KLRC2: variants seen among roughly 807,000 people sequenced by gnomAD.
The protein encoded by KLRC2 is killer cell lectin like receptor C2.
A neutral mutation model predicts 25.5 loss-of-function variants in KLRC2; 10 were observed. The ratio of observed to expected loss-of-function variants is 0.39; its 90% CI spans 0.24 to 0.67. KLRC2 has a LOEUF of 0.67. Among genes scored for constraint, KLRC2 ranks in the 30% least tolerant of loss-of-function variants. The pLI, the probability that KLRC2 is intolerant of heterozygous loss-of-function variation, is 0.45. For synonymous variants in KLRC2, 48 were observed against 93.3 expected (o/e 0.51, Z 2.80); for missense variants, 170 against 272.8 (o/e 0.62, Z 2.65).
Position 10,431,062 on chromosome 12 carries a change from T to C in KLRC2, c.*55A>G. 1 of 1,265,000 alleles carries C rather than the reference T, an allele frequency of 7.9e-7. No individual in the cohort carries two copies. Among genetic ancestry groups the C allele is most frequent in the Middle Eastern group, 2.3e-4 (1 of 4,430 alleles). 78.4% of individuals were successfully genotyped at this position (1,265,000 alleles called of 1,614,324 possible). On this transcript the variant is annotated 3_prime_UTR_variant, in exon 6 of 6. Transcript: ENST00000381902. ...CAGATTTATGCAATCATAATATTTCTATTTTAAGAAATATAAAATGTATCT... is the reference window on the plus strand; with the variant it reads ...CAGATTTATGCAATCATAATATTTCCATTTTAAGAAATATAAAATGTATCT...
At position 10,435,876 on chromosome 12, in the gene KLRC2, T is replaced by C; in HGVS notation, c.111A>G (p.Glu37=). 6.3e-7 allele frequency: 1 copy of C among 1,594,858 alleles called. No homozygotes were observed. The highest frequency in any genetic ancestry group is 2.3e-5 in the East Asian group (1 of 43,284). The change falls in exon 1 of 6, where the codon GAA becomes GAG. Residue 37 remains glutamate, a synonymous_variant. Coordinates refer to ENST00000381902, the MANE Select transcript of KLRC2 (RefSeq NM_002260.4). ...GAAGATTTAATTCTACTTGGAATAT[T>C]TCCTGTTCGGTTCCTGAAATGGAGC... The part of the protein sequence containing the change: ...NKSSISGTEQ[E]IFQVELNLQN...
intron 5 of KLRC2, among the ~76,000 whole-genome samples, chr12:10,431,558 A>T (rs1863815745): frequency 7.1e-6 from 1 of 141,652 alleles, no homozygotes; most frequent in Non-Finnish European, 1.5e-5. Flanking sequence ...AACTAATAAT[A>T]AAAAAATTAT....
In KLRC2 at chr12:10,433,363, T is replaced by C. The variant is rs1863835134; in HGVS notation, c.483+428A>G. On this transcript the variant is annotated intron_variant, in intron 4 of 5. Coordinates refer to ENST00000381902, the MANE Select transcript of KLRC2 (RefSeq NM_002260.4). ...TTCAAGAACAGGCAATCATTATTTA[T>C]AATATTAAAAGTCAAGACTGCGTTT... 1.4e-5 allele frequency among the ~76,000 whole-genome samples: 2 copies of C among 142,354 alleles called. 1 individual carries two copies. The highest frequency in any genetic ancestry group is 3.1e-5 in the Non-Finnish European group (2 of 64,900). 93.4% of individuals were successfully genotyped at this position (142,354 alleles called of 152,430 possible). A position where few individuals can be genotyped will look rare whatever the true frequency, so the allele number is the denominator to read the frequency against.
intron 4 of KLRC2, among the ~76,000 whole-genome samples, chr12:10,432,903 T>A (rs1863830331): frequency 7.3e-6 from 1 of 137,778 alleles, no homozygotes. Flanking sequence ...GCCTGCTGTT[T>A]CCCTACACCC....
rs1223699671 is a variant in KLRC2, at chr12:10,435,963, G to A, written c.24C>T (p.Phe8=). 1 of 1,606,986 alleles carries A rather than the reference G, an allele frequency of 6.2e-7. No homozygotes were observed. The highest frequency in any genetic ancestry group is 8.5e-7 in the Non-Finnish European group (1 of 1,176,938). Residue 8 remains phenylalanine (F), a synonymous_variant, in exon 1 of 6, where the codon TTC becomes TTT. Coordinates refer to ENST00000381902, the MANE Select transcript of KLRC2 (RefSeq NM_002260.4). MNKQRGT[F]SEVSLAQDPK... is the part of the protein sequence containing the mutation. ...GGTCCTGGGCCAGACTCACTTCTGA[G>A]AAGGTTCCTCTTTGTTTATTCATCT... is the stretch of plus-strand genomic sequence containing the variant.
At chr12:10,435,629 T>G (rs1863861796) in intron 1 of KLRC2, among the ~76,000 whole-genome samples, 171 bp downstream of exon 1, 1 of 142,028 alleles carries the variant, frequency 7.0e-6, no homozygotes, top group South Asian at 2.2e-4. Flanking sequence ...CAGATTACAG[T>G]TGAACAATGC....
chr12:10,431,707 C>T lies in KLRC2; in HGVS notation c.584+399G>A, dbSNP rs374664245. Among the ~76,000 whole-genome samples the T allele has an allele frequency of 2.1e-5, 3 of 141,740 alleles. 1 individual carries two copies. The highest frequency in any genetic ancestry group is 4.2e-4 in the East Asian group (2 of 4,752). 93.0% of individuals were successfully genotyped at this position (141,740 alleles called of 152,430 possible). On this transcript the variant is annotated intron_variant, in intron 5 of 5. Transcript: ENST00000381902. ...GTTGTCCAACTCGCTGCCCATGGGCCGCACGTGACCCAGGACAGCTTTGAA... is the reference window on the plus strand; with the variant it reads ...GTTGTCCAACTCGCTGCCCATGGGCTGCACGTGACCCAGGACAGCTTTGAA...
rs1324962223 is a variant in KLRC2 at position 10,431,966 on chromosome 12, G to A, written c.584+140C>T. On this transcript the variant is annotated intron_variant, in intron 5 of 5. Coordinates refer to ENST00000381902, the MANE Select transcript of KLRC2 (RefSeq NM_002260.4). ...AATATATGGACTACTATGGTCTATTGTAAAATATTTATATCAACATTTCAC... is the reference window on the plus strand; with the variant it reads ...AATATATGGACTACTATGGTCTATTATAAAATATTTATATCAACATTTCAC... The A allele has an allele frequency of 5.6e-5, 45 of 808,796 alleles. 6 individuals are homozygous for A. The highest frequency in any genetic ancestry group is 7.6e-5 in the Non-Finnish European group (42 of 550,406). The allele number at this position is 808,796 out of a possible 1,614,324, so 50.1% of individuals were successfully genotyped here. A position where few individuals can be genotyped will look rare whatever the true frequency, so the allele number is the denominator to read the frequency against.
intron 4 of KLRC2, among the ~76,000 whole-genome samples, chr12:10,433,369 T>C (rs1412571468): frequency 1.4e-5 from 2 of 142,316 alleles, no homozygotes; most frequent in Admixed American, 6.9e-5. Flanking sequence ...TTTATAATAT[T>C]AAAAGTCAAG....
In KLRC2 at chr12:10,435,294, T is replaced by C. The variant is rs1863857614; in HGVS notation, c.286+18A>G. 6.2e-7 allele frequency: 1 copy of C among 1,611,596 alleles called. No individual in the cohort carries two copies. The highest frequency in any genetic ancestry group is 8.5e-7 in the Non-Finnish European group (1 of 1,179,004). ...TAAAGTAAAACGTTCCCTTCTAATC[T>C]TTCAAGAATATGCTTACAAGGAATA... On this transcript the variant is annotated intron_variant, in intron 2 of 5. Coordinates refer to ENST00000381902, the MANE Select transcript of KLRC2 (RefSeq NM_002260.4).
At chr12:10,433,561 G>C (rs1290268056) in intron 4 of KLRC2, among the ~76,000 whole-genome samples, 1 of 141,762 alleles carries the variant, frequency 7.1e-6, no homozygotes. Flanking sequence ...ATTTATTGTG[G>C]ATTCAAAGCA....
chr12:10,433,470 C>T (rs1863836354), intron 4 of KLRC2, among the ~76,000 whole-genome samples: 1 of 141,950 alleles, frequency 7.0e-6, no homozygotes. Context: ...CATGATCTGA[C>T]TTGTATCACA....
At chr12:10,433,978 G>C in intron 3 of KLRC2, 36 bp from the exon 4 acceptor site, 1 of 1,520,876 alleles carries the variant, frequency 6.6e-7, no homozygotes, top group Non-Finnish European at 8.9e-7. Flanking sequence ...AGACCAATAT[G>C]AATTTTTAAA....
chr12:10,435,711 T>C (rs545019771), intron 1 of KLRC2, 89 bp downstream of exon 1: 2 of 1,366,710 alleles, frequency 1.5e-6, no homozygotes, highest in East Asian at 2.5e-5. Context: ...TTCTCACAAG[T>C]GCAAAATATT....
At position 10,431,176 on chromosome 12, in the gene KLRC2, G is replaced by A. The variant is rs1863807829; in HGVS notation, c.637C>T (p.Arg213Ter). The change falls in exon 6 of 6, where the codon CGA becomes TGA. Residue 213 changes from arginine (R) to a stop codon, truncating the protein, a stop_gained. Transcript: ENST00000381902. LOFTEE classifies it low-confidence loss of function (END_TRUNC). Reference sequence around the variant, plus strand: ...GATCCACACTGGGCTGATTTAAGTCGATTTACTTGTAGCACTGCACAGTTA... The same window carrying A: ...GATCCACACTGGGCTGATTTAAGTCAATTTACTTGTAGCACTGCACAGTTA... ...ELNCAVLQVN[R>*]LKSAQCGSSM... The A allele has an allele frequency of 1.3e-6, 2 of 1,549,018 alleles. No individual in the cohort carries two copies. Among genetic ancestry groups the A allele is most frequent in the East Asian group, 2.4e-5 (1 of 42,084 alleles).
intron 4 of KLRC2, among the ~76,000 whole-genome samples, chr12:10,433,398 G>A (rs1169182178): frequency 1.4e-5 from 2 of 141,610 alleles, no homozygotes; most frequent in African/African-American, 5.4e-5. Context: ...TTGGAGAGGA[G>A]TCAGGATAAG....
At position 10,432,015 on chromosome 12, in the gene KLRC2, G is replaced by C. The variant is rs61917674; in HGVS notation, c.584+91C>G. ...ACTAACTTTCCACATCTTTCTTCAT[G>C]TCAATGATTCCACATAAATTTATTC... is the stretch of plus-strand genomic sequence containing the variant. On this transcript the variant is annotated intron_variant, in intron 5 of 5. Coordinates refer to ENST00000381902, the MANE Select transcript of KLRC2 (RefSeq NM_002260.4). The C allele has an allele frequency of 7.8e-5, 83 of 1,063,478 alleles. 12 individuals are homozygous for C. In the African/African-American group the frequency reaches 9.8e-4, roughly 13 times the overall value. 65.9% of individuals were successfully genotyped at this position (1,063,478 alleles called of 1,614,324 possible). A position where few individuals can be genotyped will look rare whatever the true frequency, so the allele number is the denominator to read the frequency against.
Position 10,431,053 on chromosome 12 carries a change from T to A in KLRC2, c.*64A>T. Reference sequence around the variant, plus strand: ...ATTCATTTTCAGATTTATGCAATCATAATATTTCTATTTTAAGAAATATAA... The same window carrying A: ...ATTCATTTTCAGATTTATGCAATCAAAATATTTCTATTTTAAGAAATATAA... On this transcript the variant is annotated 3_prime_UTR_variant, in exon 6 of 6. Coordinates refer to ENST00000381902, the MANE Select transcript of KLRC2 (RefSeq NM_002260.4). 1 of 1,237,320 alleles carries A rather than the reference T, an allele frequency of 8.1e-7. No homozygotes were observed. The highest frequency in any genetic ancestry group is 1.1e-6 in the Non-Finnish European group (1 of 893,158). The allele number at this position is 1,237,320 out of a possible 1,614,324, so 76.6% of individuals were successfully genotyped here. A position where few individuals can be genotyped will look rare whatever the true frequency, so the allele number is the denominator to read the frequency against.
At chr12:10,435,751 A>G (rs1314690304) in intron 1 of KLRC2, 49 bp downstream of exon 1, 1 of 1,514,758 alleles carries the variant, frequency 6.6e-7, no homozygotes, top group Non-Finnish European at 9.0e-7. Context: ...TTCTGCATTC[A>G]ACTGCACATC....
Sources: gnomAD v4.1 joint callset for allele counts (sites outside exome capture counted in the v4.1 genomes callset) on GRCh38, gnomAD v4.1.1 for gene constraint, MANE v1.5 for transcripts, NCBI Gene and HGNC (gene_info 2026-07-23, HGNC 2026-07-21) for gene names.